The following PPM1H variants were observed in gnomAD, a reference collection of about 807,000 sequenced individuals.
The protein encoded by PPM1H is protein phosphatase, Mg2+/Mn2+ dependent 1H.
In PPM1H, 27 loss-of-function variants were observed where a neutral mutation model predicts 54.9. That is an observed-to-expected ratio of 0.49 (90% CI 0.36 to 0.68). The LOEUF is 0.68. Ranked by LOEUF, PPM1H falls within the 30% of genes least tolerant of loss-of-function variation. PPM1H has a pLI of 0.00. For missense variants in PPM1H, 596 were observed against 667.8 expected (o/e 0.89, Z 1.19); for synonymous variants, 305 against 270.8 (o/e 1.13, Z -1.24).
At chr12:62,852,177 C>T (rs562160566) in intron 1 of PPM1H, among the ~76,000 whole-genome samples, 5 of 132,090 alleles carry the variant, frequency 3.8e-5, no homozygotes, top group East Asian at 5.0e-4. Flanking sequence ...TGCAGTGAGG[C>T]GAGATTGTGC....
At chr12:62,909,029 C>T (rs907375973) in intron 1 of PPM1H, among the ~76,000 whole-genome samples, 19 of 152,264 alleles carry the variant, frequency 1.2e-4, no homozygotes, top group African/African-American at 4.6e-4. Flanking sequence ...ACCCTATCCC[C>T]TGGGCTTCTT....
At position 62,834,001 on chromosome 12, in the gene PPM1H, G is replaced by T. The variant is rs574317474; in HGVS notation, c.246-1722C>A. ...TCTATTTCCTCAATTTCAAATTTCT[G>T]TATCAATAAAAAGGGCTTCGCTGGT... On this transcript the variant is annotated intron_variant, in intron 1 of 9. Coordinates refer to ENST00000228705, the MANE Select transcript of PPM1H (RefSeq NM_020700.2). Among the ~76,000 whole-genome samples, 8 of 152,064 alleles carry T rather than the reference G, an allele frequency of 5.3e-5. No individual in the cohort carries two copies. In the South Asian group the frequency reaches 1.4e-3, roughly 28 times the overall value.
Position 62,864,763 on chromosome 12 carries a change from T to G in PPM1H, c.246-32484A>C, listed in dbSNP as rs539272448. ...CAGATTCACACACACAGGTACAATA[T>G]GAGTAAAATGTTTTTATGAGAAACT... On this transcript the variant is annotated intron_variant, in intron 1 of 9. Coordinates refer to ENST00000228705, the MANE Select transcript of PPM1H (RefSeq NM_020700.2). Among the ~76,000 whole-genome samples the G allele has an allele frequency of 1.5e-4, 23 of 152,262 alleles. 1 individual carries two copies. The South Asian group carries it at 4.4e-3, about 29-fold the overall frequency.
chr12:62,691,957 T>C (rs557870930), intron 7 of PPM1H, among the ~76,000 whole-genome samples: 3 of 152,286 alleles, frequency 2.0e-5, no homozygotes, highest in South Asian at 4.1e-4. Context: ...CTCTCCTCCC[T>C]GAAATGGCGG....
chr12:62,740,529 G>C (rs1273494977), intron 4 of PPM1H, among the ~76,000 whole-genome samples: 1 of 152,152 alleles, frequency 6.6e-6, no homozygotes, highest in African/African-American at 2.4e-5. Flanking sequence ...GTTAGGTTAG[G>C]TTAGACCCCT....
intron 1 of PPM1H, among the ~76,000 whole-genome samples, chr12:62,911,075 G>A (rs547489140): frequency 1.3e-5 from 2 of 152,218 alleles, no homozygotes; most frequent in South Asian, 2.1e-4. Flanking sequence ...TACTTCCCAA[G>A]GCCTAGAAAG....
intron 4 of PPM1H, among the ~76,000 whole-genome samples, chr12:62,747,449 T>G (rs2076419393): frequency 6.6e-6 from 1 of 152,168 alleles, no homozygotes; most frequent in African/African-American, 2.4e-5. Context: ...TTTAAAAATT[T>G]TTTAGAGATG....
chr12:62,647,625 A>C lies in PPM1H; in HGVS notation c.*864T>G, dbSNP rs1206144781. On this transcript the variant is annotated 3_prime_UTR_variant, in exon 10 of 10. Transcript: ENST00000228705. The stretch of plus-strand genomic sequence containing the variant: ...TTGAGCCACACAGGAAGACCACTGA[A>C]GACAACAGAGGAACTACTGGTCCAC... 6.6e-6 allele frequency: 1 copy of C among 152,282 alleles called. No homozygotes were observed. Among genetic ancestry groups the C allele is most frequent in the Non-Finnish European group, 1.5e-5 (1 of 68,064 alleles). 9.4% of individuals were successfully genotyped at this position (152,282 alleles called of 1,614,324 possible). A position where few individuals can be genotyped will look rare whatever the true frequency, so the allele number is the denominator to read the frequency against.
chr12:62,904,104 T>C (rs977228161), intron 1 of PPM1H, among the ~76,000 whole-genome samples: 1 of 152,178 alleles, frequency 6.6e-6, no homozygotes, highest in Admixed American at 6.5e-5. Flanking sequence ...CTGTTGGTAT[T>C]TCTTGTAGGG....
chr12:62,726,752 G>A (rs73312446), intron 5 of PPM1H, among the ~76,000 whole-genome samples: 125 of 152,322 alleles, frequency 8.2e-4, no homozygotes, highest in African/African-American at 2.9e-3. Context: ...TGACTGGCTA[G>A]AATTACTTCA....
At chr12:62,679,019 G>A (rs1048046301) in intron 8 of PPM1H, among the ~76,000 whole-genome samples, 26 of 151,818 alleles carry the variant, frequency 1.7e-4, no homozygotes, top group Admixed American at 1.7e-3. Flanking sequence ...ACAGAGTCTC[G>A]CTCTGTCGCC....
chr12:62,729,705 C>T (rs1410408521), intron 5 of PPM1H, among the ~76,000 whole-genome samples: 1 of 152,210 alleles, frequency 6.6e-6, no homozygotes, highest in Non-Finnish European at 1.5e-5. Context: ...TTCTGTGCTT[C>T]ATCTGAAATC....
intron 1 of PPM1H, among the ~76,000 whole-genome samples, chr12:62,874,955 G>A (rs562703146): frequency 4.6e-5 from 7 of 152,276 alleles, no homozygotes; most frequent in African/African-American, 7.2e-5. Flanking sequence ...GGAGAGAGTC[G>A]CAAAACTCAC....
At chr12:62,782,180 T>C (rs1275465893) in intron 4 of PPM1H, among the ~76,000 whole-genome samples, 1 of 152,186 alleles carries the variant, frequency 6.6e-6, no homozygotes, top group Admixed American at 6.5e-5. Context: ...AACCACTTAT[T>C]AGCAAAAAGG....
At chr12:62,925,018 G>A (rs1341916367) in intron 1 of PPM1H, among the ~76,000 whole-genome samples, 4 of 152,140 alleles carry the variant, frequency 2.6e-5, no homozygotes, top group African/African-American at 7.2e-5. Context: ...ACTCCAGCCT[G>A]AGCGACAGAG....
intron 2 of PPM1H, among the ~76,000 whole-genome samples, 176 bp downstream of exon 2, chr12:62,831,938 C>A (rs768687872): frequency 6.6e-6 from 1 of 151,706 alleles, no homozygotes; most frequent in African/African-American, 2.4e-5. Flanking sequence ...ATACATGTGT[C>A]GCCTTCAGCT....
intron 1 of PPM1H, among the ~76,000 whole-genome samples, chr12:62,866,389 C>A (rs1869776790): frequency 6.6e-6 from 1 of 152,198 alleles, no homozygotes. Context: ...AATTCCCTCC[C>A]TCCTAAGTGT....
In PPM1H at chr12:62,934,405, C is replaced by A; in HGVS notation, c.245+87G>T. On this transcript the variant is annotated intron_variant, in intron 1 of 9. Transcript: ENST00000228705. This position sits in a 1 kb window ranked among gnomAD's most constrained non-coding sequence, Gnocchi z 4.2. The stretch of plus-strand genomic sequence containing the variant: ...CCGGCAGCTAGTGAGAGCCCTGAGG[C>A]CGAGAAGCAGGGAGAGAAGAGGGCT... 1 of 1,402,498 alleles carries A rather than the reference C, an allele frequency of 7.1e-7. No homozygotes were observed. 86.9% of individuals were successfully genotyped at this position (1,402,498 alleles called of 1,614,324 possible). A position where few individuals can be genotyped will look rare whatever the true frequency, so the allele number is the denominator to read the frequency against.
intron 6 of PPM1H, among the ~76,000 whole-genome samples, chr12:62,704,946 T>C (rs1226170990): frequency 6.6e-6 from 1 of 152,150 alleles, no homozygotes; most frequent in Non-Finnish European, 1.5e-5. Flanking sequence ...AGTAAACATT[T>C]CTCTCTTTTG....
Sources: allele counts gnomAD v4.1 joint callset (sites outside exome capture counted in the v4.1 genomes callset), GRCh38; gene constraint gnomAD v4.1.1; non-coding constraint Gnocchi (gnomAD v3.1); transcripts MANE v1.5; gene names NCBI Gene and HGNC (gene_info 2026-07-23, HGNC 2026-07-21).